DNAJB14: variants seen among roughly 807,000 people sequenced by gnomAD.
DNAJB14 encodes DnaJ heat shock protein family (Hsp40) member B14, also known as dnaJ homolog subfamily B member 14.
DNAJB14 carries 22 observed loss-of-function variants against 48.4 expected under a neutral mutation model. The ratio of observed to expected loss-of-function variants is 0.45; its 90% CI spans 0.32 to 0.65. DNAJB14 has a LOEUF of 0.65. Among genes scored for constraint, DNAJB14 ranks in the 30% least tolerant of loss-of-function variants. The pLI, the probability that DNAJB14 is intolerant of heterozygous loss-of-function variation, is 0.03. For missense variants in DNAJB14, 319 were observed against 458.8 expected, an observed-to-expected ratio of 0.70 and a Z score of 2.78; for synonymous variants, 142 against 158.7, an observed-to-expected ratio of 0.89 and a Z score of 0.79.
In DNAJB14 at chr4:99,938,097, C is replaced by CAAAAAAAA. The variant is rs59597113; in HGVS notation, c.134-7484_134-7477dup. Among the ~76,000 whole-genome samples the CAAAAAAAA allele has an allele frequency of 6.1e-4, 25 of 40,978 alleles. 2 individuals are homozygous for CAAAAAAAA. The highest frequency in any genetic ancestry group is 1.0e-3 in the African/African-American group (13 of 12,712). The allele number at this position is 40,978 out of a possible 152,430, so 26.9% of individuals were successfully genotyped here. A position where few individuals can be genotyped will look rare whatever the true frequency, so the allele number is the denominator to read the frequency against. On this transcript the variant is annotated intron_variant, in intron 1 of 7. Transcript: ENST00000442697. ...ACATGGCGAAACCATGTTAAAAATA[C>CAAAAAAAA]AAAAAAAAAAAAAAAAAAAAAAAAA...
intron 4 of DNAJB14, 24 bp downstream of exon 4, chr4:99,908,687 A>G (rs371921031): frequency 2.6e-6 from 4 of 1,509,448 alleles, no homozygotes; most frequent in African/African-American, 1.4e-5. Context: ...ATAAAATATA[A>G]TATCTATAAT....
rs1726090332 is a variant in DNAJB14 at position 99,922,328 on chromosome 4, A to C, written c.451+712T>G. ...CACCATTGTACTGTAAACATTATACACTGGGTTTATGAATGCCAAATTCAC... is the reference window on the plus strand; with the variant it reads ...CACCATTGTACTGTAAACATTATACCCTGGGTTTATGAATGCCAAATTCAC... On this transcript the variant is annotated intron_variant, in intron 3 of 7. Transcript: ENST00000442697. Among the ~76,000 whole-genome samples the C allele has an allele frequency of 2.0e-5, 3 of 152,282 alleles. No homozygotes were observed. The South Asian group carries it at 6.2e-4, about 32-fold the overall frequency.
Position 99,897,112 on chromosome 4 carries a change from C to CTT in DNAJB14, c.*3915_*3916insAA, listed in dbSNP as rs1442527040. 6.6e-6 allele frequency: 1 copy of CTT among 150,754 alleles called. No homozygotes were observed. The highest frequency in any genetic ancestry group is 1.5e-5 in the Non-Finnish European group (1 of 67,756). The allele number at this position is 150,754 out of a possible 1,614,324, so 9.3% of individuals were successfully genotyped here. A position where few individuals can be genotyped will look rare whatever the true frequency, so the allele number is the denominator to read the frequency against. On this transcript the variant is annotated 3_prime_UTR_variant, in exon 8 of 8. Transcript: ENST00000442697. ...AAGTCAGACATAAAAATATCCACTGCTAATGGAAGCCCTGCTCTGTGCAAA... is the reference window on the plus strand; with the variant it reads ...AAGTCAGACATAAAAATATCCACTGCTTTAATGGAAGCCCTGCTCTGTGCAAA...
intron 1 of DNAJB14, among the ~76,000 whole-genome samples, chr4:99,932,312 A>G (rs1726504180): frequency 6.6e-6 from 1 of 152,162 alleles, no homozygotes; most frequent in Admixed American, 6.5e-5. Context: ...GTTCAGTAAT[A>G]AAAAGATCAA....
At position 99,903,843 on chromosome 4, in the gene DNAJB14, C is replaced by G. The variant is rs775491630; in HGVS notation, c.898G>C (p.Val300Leu). Residue 300 changes from valine to leucine, a missense_variant, in exon 7 of 8, where the codon GTC becomes CTC. Coordinates refer to ENST00000442697, the MANE Select transcript of DNAJB14 (RefSeq NM_001031723.4). The part of the protein sequence containing the change: ...QTENLGVVYY[V>L]NKDFKNEYKG... Reference sequence around the variant, plus strand: ...TATTCATTTTTGAAGTCCTTGTTGACATAATAAACAACACCCAAGTTTTCT... The same window carrying G: ...TATTCATTTTTGAAGTCCTTGTTGAGATAATAAACAACACCCAAGTTTTCT... The G allele has an allele frequency of 6.2e-7, 1 of 1,612,698 alleles. No individual in the cohort carries two copies. Among genetic ancestry groups the G allele is most frequent in the African/African-American group, 1.3e-5 (1 of 74,830 alleles).
intron 2 of DNAJB14, chr4:99,929,992 G>A (rs76138816): frequency 0.033 from 5,091 of 152,170 alleles, 211 homozygotes; most frequent in Admixed American, 0.14. Flanking sequence ...ACATTATAGT[G>A]TCTGCATATA....
intron 5 of DNAJB14, chr4:99,906,297 T>C (rs1454348928): frequency 3.7e-6 from 4 of 1,075,064 alleles, no homozygotes; most frequent in African/African-American, 3.2e-5. Context: ...ATTAGAATCA[T>C]AGAATAACAA....
rs533476829 is a variant in DNAJB14, at chr4:99,937,619, G to A, written c.134-6998C>T. On this transcript the variant is annotated intron_variant, in intron 1 of 7. Coordinates refer to ENST00000442697, the MANE Select transcript of DNAJB14 (RefSeq NM_001031723.4). ...CATACGCCTGTAGTACCAGCTACTC[G>A]GGAGGCTAAGGTAGAAGAATTACTT... Among the ~76,000 whole-genome samples, 42 of 152,078 alleles carry A rather than the reference G, an allele frequency of 2.8e-4. 1 individual carries two copies. In the South Asian group the frequency reaches 8.3e-3, roughly 30 times the overall value.
chr4:99,906,488 C>A, intron 5 of DNAJB14, 29 bp downstream of exon 5: 1 of 1,599,982 alleles, frequency 6.3e-7, no homozygotes, highest in Non-Finnish European at 8.5e-7. Flanking sequence ...TGAAATTTGC[C>A]ATTTTGTGAT....
chr4:99,916,958 C>A (rs1049157140), intron 3 of DNAJB14, among the ~76,000 whole-genome samples: 1 of 152,064 alleles, frequency 6.6e-6, no homozygotes, highest in Non-Finnish European at 1.5e-5. Context: ...CATGGTGAAA[C>A]CCTGTCTCTA....
At chr4:99,946,379 G>A in intron 1 of DNAJB14, 60 bp downstream of exon 1, 1 of 1,557,090 alleles carries the variant, frequency 6.4e-7, no homozygotes, top group Non-Finnish European at 8.7e-7. Context: ...GTGGGGGCAG[G>A]GGCGGGCTAC....
intron 1 of DNAJB14, among the ~76,000 whole-genome samples, chr4:99,932,981 G>A (rs1726531696): frequency 6.6e-6 from 1 of 152,170 alleles, no homozygotes; most frequent in Admixed American, 6.5e-5. Flanking sequence ...GGGGGTGCAG[G>A]GGAGGGTGGA....
At chr4:99,933,497 C>T (rs1726558193) in intron 1 of DNAJB14, among the ~76,000 whole-genome samples, 1 of 151,768 alleles carries the variant, frequency 6.6e-6, no homozygotes, top group East Asian at 1.9e-4. Flanking sequence ...GGGGTTTCAC[C>T]ATATTGGCCA....
intron 1 of DNAJB14, among the ~76,000 whole-genome samples, chr4:99,930,979 GT>G (rs1419304412): frequency 5.9e-5 from 9 of 152,166 alleles, no homozygotes; most frequent in African/African-American, 1.9e-4. Flanking sequence ...TAGACTTCCT[GT>G]TTAATTCTCA....
chr4:99,940,362 G>T (rs1726846764), intron 1 of DNAJB14, among the ~76,000 whole-genome samples: 2 of 152,182 alleles, frequency 1.3e-5, no homozygotes, highest in Admixed American at 1.3e-4. Flanking sequence ...GGAGGCTGAG[G>T]CAGGTGGATC....
intron 2 of DNAJB14, chr4:99,924,927 G>T: frequency 1.4e-6 from 1 of 729,498 alleles, no homozygotes; most frequent in South Asian, 1.5e-5. Context: ...AGCTACTACA[G>T]AATCTTCATT....
intron 1 of DNAJB14, among the ~76,000 whole-genome samples, chr4:99,940,926 A>G (rs1013038595): frequency 2.6e-5 from 4 of 151,538 alleles, no homozygotes; most frequent in Non-Finnish European, 5.9e-5. Flanking sequence ...TTTTTGCTAC[A>G]GAGACAATCC....
chr4:99,901,502 C>T (rs1316672471), intron 7 of DNAJB14, among the ~76,000 whole-genome samples: 1 of 151,986 alleles, frequency 6.6e-6, no homozygotes, highest in African/African-American at 2.4e-5. Flanking sequence ...TTCAATACTG[C>T]CAGTGGTTGT....
At chr4:99,941,078 G>C (rs1488820340) in intron 1 of DNAJB14, among the ~76,000 whole-genome samples, 1 of 151,956 alleles carries the variant, frequency 6.6e-6, no homozygotes, top group African/African-American at 2.4e-5. Context: ...TTATTGAAGA[G>C]AGTAAAATTA....
Sources: allele counts gnomAD v4.1 joint callset (sites outside exome capture counted in the v4.1 genomes callset), GRCh38; gene constraint gnomAD v4.1.1; transcripts MANE v1.5; gene names NCBI Gene and HGNC (gene_info 2026-07-23, HGNC 2026-07-21).